LRCH3: variants seen among roughly 807,000 people sequenced by gnomAD.
LRCH3 encodes DISP complex protein LRCH3.
A neutral mutation model predicts 104.5 loss-of-function variants in LRCH3; 68 were observed. The ratio of observed to expected loss-of-function variants is 0.65; its 90% CI spans 0.54 to 0.80. The LOEUF is 0.80. Ranked by LOEUF, LRCH3 falls within the 30% of genes least tolerant of loss-of-function variation. The pLI is 0.00. For synonymous variants in LRCH3, 344 were observed against 361.3 expected, an observed-to-expected ratio of 0.95 and a Z score of 0.54; for missense variants, 951 against 953.9, an observed-to-expected ratio of 1.00 and a Z score of 0.04.
intron 20 of LRCH3, among the ~76,000 whole-genome samples, chr3:197,879,950 T>G (rs1343200035): frequency 1.4e-5 from 2 of 139,074 alleles, no homozygotes; most frequent in Non-Finnish European, 3.0e-5. Context: ...GTATTGTATT[T>G]TTTTTTTTTT....
At chr3:197,836,147 CT>C (rs941435775) in intron 9 of LRCH3, among the ~76,000 whole-genome samples, 10 of 152,080 alleles carry the variant, frequency 6.6e-5, no homozygotes, top group Non-Finnish European at 1.2e-4. Context: ...GTTTTTATTG[CT>C]TTTTTATTGT....
At chr3:197,863,895 A>G (rs1234461033) in intron 15 of LRCH3, among the ~76,000 whole-genome samples, 4 of 152,284 alleles carry the variant, frequency 2.6e-5, no homozygotes, top group Admixed American at 2.0e-4. Context: ...AAATACTATT[A>G]GAAAATAAAA....
intron 5 of LRCH3, among the ~76,000 whole-genome samples, chr3:197,828,913 T>C (rs1580687755): frequency 1.3e-5 from 2 of 152,048 alleles, no homozygotes; most frequent in Non-Finnish European, 2.9e-5. Flanking sequence ...TTCACCGTGT[T>C]GGTCAGGCTG....
At chr3:197,852,831 C>A (rs545527804) in intron 13 of LRCH3, among the ~76,000 whole-genome samples, 1 of 152,250 alleles carries the variant, frequency 6.6e-6, no homozygotes. Context: ...ACACATCCAT[C>A]TAGAGATGAT....
intron 1 of LRCH3, among the ~76,000 whole-genome samples, chr3:197,798,260 C>CAA (rs573713102): frequency 0.032 from 4,791 of 150,686 alleles, 145 homozygotes; most frequent in African/African-American, 0.072. Flanking sequence ...GACCCTGTCT[C>CAA]AAAAAAAATA....
intron 20 of LRCH3, chr3:197,881,420 G>A (rs1164750509): frequency 1.0e-6 from 1 of 985,480 alleles, no homozygotes; most frequent in Non-Finnish European, 1.2e-6. Context: ...CACACGAGCA[G>A]ATGGGCTGGA....
chr3:197,848,045 T>C (rs1739013626), intron 12 of LRCH3, 24 bp downstream of exon 12: 2 of 1,612,966 alleles, frequency 1.2e-6, no homozygotes, highest in Non-Finnish European at 8.5e-7. Context: ...ATGATGCTGT[T>C]CAAGCTGCTG....
At chr3:197,836,548 C>G (rs186288021) in intron 9 of LRCH3, among the ~76,000 whole-genome samples, 153 of 152,222 alleles carry the variant, frequency 1.0e-3, no homozygotes, top group Middle Eastern at 6.8e-3. Context: ...AACACTTGGG[C>G]CCTTTTAGAG....
At chr3:197,838,742 T>C (rs1476669594) in intron 9 of LRCH3, among the ~76,000 whole-genome samples, 1 of 152,240 alleles carries the variant, frequency 6.6e-6, no homozygotes, top group African/African-American at 2.4e-5. Flanking sequence ...TAAGTAAAAT[T>C]GCCAATAATA....
Position 197,883,075 on chromosome 3 carries a change from G to T in LRCH3, c.2209-466G>T. 1 of 986,082 alleles carries T rather than the reference G, an allele frequency of 1.0e-6. No homozygotes were observed. The highest frequency in any genetic ancestry group is 1.2e-6 in the Non-Finnish European group (1 of 830,426). 61.1% of individuals were successfully genotyped at this position (986,082 alleles called of 1,614,324 possible). A position where few individuals can be genotyped will look rare whatever the true frequency, so the allele number is the denominator to read the frequency against. ...AGATAGCGTAGAACTCATGCAGGCT[G>T]AGTTATGTTTTCAAACTATCTTTCA... On this transcript the variant is annotated intron_variant, in intron 20 of 20. Transcript: ENST00000425562. This position sits in a 1 kb window ranked among gnomAD's most constrained non-coding sequence, Gnocchi z 4.2.
rs1456081718 is a variant in LRCH3, at chr3:197,856,429, A to T, written c.1644+1984A>T. 6.6e-6 allele frequency among the ~76,000 whole-genome samples: 1 copy of T among 150,606 alleles called. No individual in the cohort carries two copies. The highest frequency in any genetic ancestry group is 2.4e-5 in the African/African-American group (1 of 40,948). ...TTCTTTATTTTTATTTATTTATTTA[A>T]TTATTTTGAGACAGAGTCTCCCTCT... On this transcript the variant is annotated intron_variant, in intron 14 of 20. Transcript: ENST00000425562. The surrounding 1 kb of genome is among the most constrained non-coding windows in gnomAD (Gnocchi z 4.2).
At chr3:197,857,395 A>AG (rs1402032136) in intron 14 of LRCH3, among the ~76,000 whole-genome samples, 1 of 142,552 alleles carries the variant, frequency 7.0e-6, no homozygotes, top group African/African-American at 2.7e-5. Flanking sequence ...TGTTAATATC[A>AG]GTCACACTGA....
intron 15 of LRCH3, among the ~76,000 whole-genome samples, chr3:197,859,632 T>G (rs1033036085): frequency 1.3e-5 from 2 of 152,258 alleles, no homozygotes; most frequent in African/African-American, 2.4e-5. Flanking sequence ...TTGTTATCAC[T>G]GGATATGTAC....
chr3:197,802,856 A>T (rs1178220270), intron 1 of LRCH3, among the ~76,000 whole-genome samples: 1 of 152,182 alleles, frequency 6.6e-6, no homozygotes, highest in Non-Finnish European at 1.5e-5. Context: ...TCACTTTCAT[A>T]GCTTTGGAAC....
In LRCH3 at chr3:197,810,546, T is replaced by A. The variant is rs993515440; in HGVS notation, c.263-4362T>A. ...GAATTCATTGCTATTGTTCCTTGAGTCCTGAGGTTCCTAGCCATCTTCTCT... is the reference window on the plus strand; with the variant it reads ...GAATTCATTGCTATTGTTCCTTGAGACCTGAGGTTCCTAGCCATCTTCTCT... On this transcript the variant is annotated intron_variant, in intron 1 of 20. Coordinates refer to ENST00000425562, the MANE Select transcript of LRCH3 (RefSeq NM_001365715.1). This position sits in a 1 kb window ranked among gnomAD's most constrained non-coding sequence, Gnocchi z 4.0. 1.3e-5 allele frequency among the ~76,000 whole-genome samples: 2 copies of A among 152,186 alleles called. No individual in the cohort carries two copies. Among genetic ancestry groups the A allele is most frequent in the Non-Finnish European group, 2.9e-5 (2 of 68,030 alleles).
chr3:197,880,023 G>A (rs947012776), intron 20 of LRCH3, among the ~76,000 whole-genome samples: 7 of 149,866 alleles, frequency 4.7e-5, no homozygotes, highest in Non-Finnish European at 7.4e-5. Flanking sequence ...TCGGCTCACT[G>A]CAAGCTCCGC....
intron 1 of LRCH3, among the ~76,000 whole-genome samples, chr3:197,800,794 CAATT>C (rs1731796293): frequency 6.6e-6 from 1 of 151,972 alleles, no homozygotes; most frequent in African/African-American, 2.4e-5. Context: ...ATGGATAAAT[CAATT>C]GTGTGAAAAT....
At position 197,884,815 on chromosome 3, in the gene LRCH3, A is replaced by G. The variant is rs1714072986; in HGVS notation, c.*1149A>G. 1 of 150,480 alleles carries G rather than the reference A, an allele frequency of 6.6e-6. No homozygotes were observed. Among genetic ancestry groups the G allele is most frequent in the African/African-American group, 2.4e-5 (1 of 40,862 alleles). The allele number at this position is 150,480 out of a possible 1,614,324, so 9.3% of individuals were successfully genotyped here. ...TTTTTAAGAGTTGGGGTCTTGCCGT[A>G]TTGCCCAGGCTGGTCTGAAACTCCT... is the stretch of plus-strand genomic sequence containing the variant. On this transcript the variant is annotated 3_prime_UTR_variant, in exon 21 of 21. Transcript: ENST00000425562.
At chr3:197,797,872 AAC>A (rs1396190571) in intron 1 of LRCH3, among the ~76,000 whole-genome samples, 327 of 13,108 alleles carry the variant, frequency 0.025, 1 homozygote, top group Non-Finnish European at 0.086. Flanking sequence ...AAAAAAAAAA[AAC>A]AAAAAAAACA....
Sources: allele counts gnomAD v4.1 joint callset (sites outside exome capture counted in the v4.1 genomes callset), GRCh38; gene constraint gnomAD v4.1.1; non-coding constraint Gnocchi (gnomAD v3.1); transcripts MANE v1.5; gene names NCBI Gene and HGNC (gene_info 2026-07-23, HGNC 2026-07-21).